EPHA6: variants seen among roughly 807,000 people sequenced by gnomAD.
The protein encoded by EPHA6 is EPH receptor A6, also known as ephrin type-A receptor 6.
A neutral mutation model predicts 112.0 loss-of-function variants in EPHA6; 50 were observed. That is an observed-to-expected ratio of 0.45 (90% CI 0.36 to 0.56). EPHA6 has a LOEUF of 0.56. Ranked by LOEUF, EPHA6 falls within the 20% of genes least tolerant of loss-of-function variation. The pLI, the probability that EPHA6 is intolerant of heterozygous loss-of-function variation, is 0.00. For synonymous variants in EPHA6, 529 were observed against 490.7 expected (o/e 1.08, Z -1.03); for missense variants, 1,280 against 1,417.4 (o/e 0.90, Z 1.56).
At chr3:96,890,687 C>T (rs572029289) in intron 2 of EPHA6, among the ~76,000 whole-genome samples, 97 of 152,256 alleles carry the variant, frequency 6.4e-4, no homozygotes, top group Admixed American at 6.5e-4. Context: ...TGTCAATTTT[C>T]GAAGAGGATA....
intron 13 of EPHA6, among the ~76,000 whole-genome samples, chr3:97,632,698 A>G (rs915000476): frequency 2.0e-5 from 3 of 152,082 alleles, no homozygotes; most frequent in Admixed American, 2.0e-4. Flanking sequence ...CACATTAGAT[A>G]TAAAACAGCA....
chr3:96,817,184 A>G (rs1367530100), intron 1 of EPHA6, among the ~76,000 whole-genome samples: 3 of 151,974 alleles, frequency 2.0e-5, no homozygotes, highest in African/African-American at 7.2e-5. Flanking sequence ...CAGAATTTTT[A>G]TCAGACACAA....
At chr3:97,635,164 T>C (rs2093935017) in intron 13 of EPHA6, among the ~76,000 whole-genome samples, 1 of 152,098 alleles carries the variant, frequency 6.6e-6, no homozygotes, top group Non-Finnish European at 1.5e-5. Context: ...CCTGAAAATG[T>C]CTTGGCCAAT....
intron 3 of EPHA6, among the ~76,000 whole-genome samples, chr3:97,212,717 T>G (rs1197228991): frequency 6.6e-6 from 1 of 152,174 alleles, no homozygotes; most frequent in Non-Finnish European, 1.5e-5. Flanking sequence ...AATCTATGAA[T>G]GAGAAAAGAT....
rs181822644 is a variant in EPHA6, at chr3:97,535,146, T to C, written c.2386+2603T>C. On this transcript the variant is annotated intron_variant, in intron 11 of 17. Transcript: ENST00000389672. The stretch of plus-strand genomic sequence containing the variant: ...CATCAACTAAATATGTTTAATAAGG[T>C]ATTATGTGGTACTTGCCTGCCAGTT... Among the ~76,000 whole-genome samples the C allele has an allele frequency of 3.3e-5, 5 of 152,062 alleles. No homozygotes were observed. The East Asian group carries it at 5.8e-4, about 18-fold the overall frequency.
At chr3:96,977,043 A>G (rs983679238) in intron 2 of EPHA6, among the ~76,000 whole-genome samples, 1 of 152,190 alleles carries the variant, frequency 6.6e-6, no homozygotes. Flanking sequence ...AGAGTCAGGT[A>G]AGGGCAAAGA....
At chr3:97,243,319 A>G (rs1179894857) in intron 4 of EPHA6, among the ~76,000 whole-genome samples, 4 of 151,818 alleles carry the variant, frequency 2.6e-5, no homozygotes, top group South Asian at 2.1e-4. Context: ...TCCCTTCCAT[A>G]TCATGCTTTT....
intron 5 of EPHA6, among the ~76,000 whole-genome samples, chr3:97,327,841 ATATATATATATGTATATGTGTG>A (rs1285056795): frequency 4.9e-5 from 7 of 143,648 alleles, no homozygotes; most frequent in Admixed American, 1.4e-4. Context: ...GTGTGTGTAT[ATATATATATATGTATATGTGTG>A]TATATATATA....
chr3:97,066,823 A>T (rs759231602), intron 3 of EPHA6, among the ~76,000 whole-genome samples: 1 of 152,202 alleles, frequency 6.6e-6, no homozygotes, highest in Admixed American at 6.5e-5. Context: ...TGAGCACTAA[A>T]TGTTCCTTGA....
chr3:97,492,609 G>A (rs186860258), intron 10 of EPHA6, among the ~76,000 whole-genome samples: 3 of 115,210 alleles, frequency 2.6e-5, no homozygotes, highest in Admixed American at 1.1e-4. Context: ...GGATAATGTA[G>A]CATCTCAGAC....
rs1000253310 is a variant in EPHA6 at position 97,755,438 on chromosome 3, T to C, written c.*6737T>C. Among the ~76,000 whole-genome samples the C allele has an allele frequency of 9.2e-5, 14 of 152,112 alleles. No homozygotes were observed. Among genetic ancestry groups the C allele is most frequent in the African/African-American group, 3.4e-4 (14 of 41,422 alleles). On this transcript the variant is annotated 3_prime_UTR_variant, in exon 18 of 18. Transcript: ENST00000389672. The stretch of plus-strand genomic sequence containing the variant: ...CATAATAAACTCATTTCTGGTTAGA[T>C]AATAAGTTATAATCTCAACAAATCA...
chr3:97,493,853 G>A (rs910652428), intron 10 of EPHA6, among the ~76,000 whole-genome samples: 11 of 152,176 alleles, frequency 7.2e-5, no homozygotes, highest in African/African-American at 1.2e-4. Context: ...TGGTTACCAC[G>A]TGTCCAGAGA....
chr3:97,299,616 TAG>T (rs2081013496), intron 5 of EPHA6, among the ~76,000 whole-genome samples: 1 of 152,170 alleles, frequency 6.6e-6, no homozygotes, highest in African/African-American at 2.4e-5. Context: ...CCATCAGCAT[TAG>T]AGTCATTATA....
At chr3:97,464,503 A>G (rs1471938427) in intron 7 of EPHA6, among the ~76,000 whole-genome samples, 2 of 152,040 alleles carry the variant, frequency 1.3e-5, no homozygotes, top group Non-Finnish European at 2.9e-5. Context: ...ATTTTTGCAA[A>G]AGTAAAAATA....
chr3:97,641,324 A>G (rs1479317794), intron 14 of EPHA6, among the ~76,000 whole-genome samples: 1 of 152,212 alleles, frequency 6.6e-6, no homozygotes, highest in Non-Finnish European at 1.5e-5. Flanking sequence ...CCTCTTAAAA[A>G]GAATGAAATA....
chr3:96,826,790 T>C (rs1205002215), intron 1 of EPHA6, among the ~76,000 whole-genome samples: 1 of 152,134 alleles, frequency 6.6e-6, no homozygotes, highest in Non-Finnish European at 1.5e-5. Context: ...CTCAAGTTTT[T>C]TCACTTTTCT....
At chr3:97,318,978 A>G (rs538338624) in intron 5 of EPHA6, among the ~76,000 whole-genome samples, 6 of 152,060 alleles carry the variant, frequency 3.9e-5, no homozygotes, top group South Asian at 2.1e-4. Context: ...ATAAATAGAA[A>G]AGGGAAGTGA....
At chr3:97,658,628 G>T (rs2094150913) in intron 14 of EPHA6, among the ~76,000 whole-genome samples, 2 of 151,998 alleles carry the variant, frequency 1.3e-5, no homozygotes, top group East Asian at 1.9e-4. Flanking sequence ...TACCTTACGG[G>T]AAATAGAAGA....
At chr3:96,983,454 A>T (rs2042892477) in intron 2 of EPHA6, among the ~76,000 whole-genome samples, 1 of 152,118 alleles carries the variant, frequency 6.6e-6, no homozygotes, top group Non-Finnish European at 1.5e-5. Flanking sequence ...CTTTGTGGGT[A>T]ATGTGACCTT....
Sources: gnomAD v4.1 joint callset for allele counts (sites outside exome capture counted in the v4.1 genomes callset) on GRCh38, gnomAD v4.1.1 for gene constraint, MANE v1.5 for transcripts, NCBI Gene and HGNC (gene_info 2026-07-23, HGNC 2026-07-21) for gene names.